Variants in SYNPO2 observed in about 807,000 individuals in gnomAD.
SYNPO2 encodes synaptopodin-2.
In SYNPO2, 56 loss-of-function variants were observed where a neutral mutation model predicts 85.0. The ratio of observed to expected loss-of-function variants is 0.66; its 90% CI spans 0.53 to 0.82. SYNPO2 has a LOEUF of 0.82. Ranked by LOEUF, SYNPO2 falls within the 40% of genes least tolerant of loss-of-function variation. The probability of loss-of-function intolerance (pLI) is 0.00; values close to 1 mark genes in which losing one functional copy is unlikely to be tolerated. For missense variants in SYNPO2, 1,575 were observed against 1,534.2 expected (o/e 1.03, Z -0.44); for synonymous variants, 602 against 591.1 (o/e 1.02, Z -0.27).
intron 1 of SYNPO2, among the ~76,000 whole-genome samples, chr4:118,871,730 G>A (rs954587562): frequency 2.6e-5 from 4 of 151,970 alleles, no homozygotes; most frequent in South Asian, 2.1e-4. Flanking sequence ...CACCATGCCC[G>A]GGCTAATTTG....
chr4:118,955,518 A>G lies in SYNPO2; in HGVS notation c.105+66377A>G, dbSNP rs1045383799. 3.9e-5 allele frequency among the ~76,000 whole-genome samples: 6 copies of G among 152,270 alleles called. No homozygotes were observed. In the East Asian group the frequency reaches 1.2e-3, roughly 29 times the overall value. The stretch of plus-strand genomic sequence containing the variant: ...TTGGGGTAATCAGGGGAAGATTCTT[A>G]GGAAGAAAACTATTGAATTGGGCCT... On this transcript the variant is annotated intron_variant, in intron 1 of 4. Coordinates refer to ENST00000307142, the MANE Select transcript of SYNPO2 (RefSeq NM_133477.3).
rs572146270 is a variant in SYNPO2 at position 118,943,939 on chromosome 4, G to GA, written c.105+54798_105+54799insA. ...TTACTTGACAGTTATGTTGCTTTCA[G>GA]TGCTACATACCTACGTGGAAGTAAC... On this transcript the variant is annotated intron_variant, in intron 1 of 4. Transcript: ENST00000307142. Among the ~76,000 whole-genome samples, 20 of 152,258 alleles carry GA rather than the reference G, an allele frequency of 1.3e-4. No homozygotes were observed. The South Asian group carries it at 3.1e-3, about 24-fold the overall frequency.
chr4:118,877,435 G>T (rs1391144176), intron 1 of SYNPO2, among the ~76,000 whole-genome samples: 1 of 152,130 alleles, frequency 6.6e-6, no homozygotes, highest in East Asian at 1.9e-4. Context: ...CCTACAGAAT[G>T]GGAGAAAATA....
chr4:118,883,766 C>T (rs773125720), intron 1 of SYNPO2, among the ~76,000 whole-genome samples: 27 of 151,082 alleles, frequency 1.8e-4, no homozygotes, highest in Non-Finnish European at 3.1e-4. Context: ...TAAAAGGAGG[C>T]GGGCTTATGT....
chr4:118,889,840 TTTAAG>T (rs1732304031), intron 1 of SYNPO2, among the ~76,000 whole-genome samples: 2 of 152,224 alleles, frequency 1.3e-5, no homozygotes, highest in African/African-American at 4.8e-5. Context: ...TTTAAAATGC[TTTAAG>T]TTTTTATTGC....
At chr4:119,047,222 G>T (rs919444777) in intron 4 of SYNPO2, among the ~76,000 whole-genome samples, 2 of 152,064 alleles carry the variant, frequency 1.3e-5, no homozygotes, top group Non-Finnish European at 2.9e-5. Flanking sequence ...CACCATGCCC[G>T]ACTAATTTTG....
intron 1 of SYNPO2, among the ~76,000 whole-genome samples, chr4:118,987,376 T>C (rs1242115448): frequency 2.0e-5 from 3 of 152,232 alleles, no homozygotes; most frequent in Non-Finnish European, 4.4e-5. Context: ...CTTATTAAAA[T>C]GCCTAATATG....
intron 1 of SYNPO2, among the ~76,000 whole-genome samples, chr4:119,003,489 T>G (rs1736898730): frequency 6.6e-6 from 1 of 152,190 alleles, no homozygotes; most frequent in African/African-American, 2.4e-5. Flanking sequence ...CTAGAAAATT[T>G]TCTCAACATT....
intron 4 of SYNPO2, chr4:119,038,267 T>C: frequency 2.0e-6 from 2 of 985,170 alleles, no homozygotes; most frequent in South Asian, 9.4e-5. Context: ...TCAATGACAT[T>C]AGGAAAGACT....
intron 1 of SYNPO2, among the ~76,000 whole-genome samples, chr4:118,890,167 G>GT (rs397958530): frequency 0.016 from 2,197 of 134,622 alleles, 21 homozygotes; most frequent in South Asian, 0.037. Flanking sequence ...TGCCTTTTAC[G>GT]TTTTTTTTTT....
At chr4:118,860,796 C>T (rs1293303774) in intron 1 of SYNPO2, among the ~76,000 whole-genome samples, 2 of 152,040 alleles carry the variant, frequency 1.3e-5, no homozygotes, top group African/African-American at 2.4e-5. Context: ...ACCTCGTGAC[C>T]CACTTGCCTC....
At chr4:118,919,815 G>A (rs77562304) in intron 1 of SYNPO2, among the ~76,000 whole-genome samples, 1 of 152,214 alleles carries the variant, frequency 6.6e-6, no homozygotes, top group East Asian at 1.9e-4. Context: ...GAGTACAGGA[G>A]TTGGCTACAA....
At chr4:119,052,586 A>G (rs1262357471) in intron 4 of SYNPO2, among the ~76,000 whole-genome samples, 3 of 152,198 alleles carry the variant, frequency 2.0e-5, no homozygotes, top group African/African-American at 7.2e-5. Context: ...GCCAGAAGGC[A>G]GAGTTAGCGA....
At chr4:119,036,160 G>T in intron 4 of SYNPO2, 3 of 985,394 alleles carry the variant, frequency 3.0e-6, no homozygotes, top group Non-Finnish European at 3.6e-6. Context: ...TGGCCCAGCA[G>T]GCAGGGCATT....
chr4:118,896,928 G>A (rs1196922639), intron 1 of SYNPO2, among the ~76,000 whole-genome samples: 1 of 151,356 alleles, frequency 6.6e-6, no homozygotes, highest in Non-Finnish European at 1.5e-5. Flanking sequence ...TTCTCCTCTT[G>A]TATTTTGAAG....
chr4:118,879,128 A>G (rs1180039086), intron 1 of SYNPO2, among the ~76,000 whole-genome samples: 2 of 152,158 alleles, frequency 1.3e-5, no homozygotes, highest in Non-Finnish European at 2.9e-5. Context: ...AACTCGCCAG[A>G]AGGAAGAAAC....
chr4:118,954,064 G>T (rs1470912133), intron 1 of SYNPO2, among the ~76,000 whole-genome samples: 2 of 152,080 alleles, frequency 1.3e-5, no homozygotes, highest in African/African-American at 4.8e-5. Flanking sequence ...CTCAAGTTTT[G>T]CACCTAATTT....
At chr4:119,045,154 G>A (rs1289237642) in intron 4 of SYNPO2, among the ~76,000 whole-genome samples, 1 of 152,080 alleles carries the variant, frequency 6.6e-6, no homozygotes, top group Non-Finnish European at 1.5e-5. Context: ...TTTTGCTTAA[G>A]GGCTATTAGC....
At chr4:118,903,117 A>G (rs563141858) in intron 1 of SYNPO2, among the ~76,000 whole-genome samples, 11 of 152,324 alleles carry the variant, frequency 7.2e-5, no homozygotes, top group Admixed American at 5.9e-4. Context: ...GATAAAAAAA[A>G]TATTGGAATA....
Sources: allele counts gnomAD v4.1 joint callset (sites outside exome capture counted in the v4.1 genomes callset), GRCh38; gene constraint gnomAD v4.1.1; transcripts MANE v1.5; gene names NCBI Gene and HGNC (gene_info 2026-07-23, HGNC 2026-07-21).